The following SNRNP200 variants were observed in gnomAD, a reference collection of about 807,000 sequenced individuals.
SNRNP200 encodes the protein U5 small nuclear ribonucleoprotein 200 kDa helicase.
A neutral mutation model predicts 255.2 loss-of-function variants in SNRNP200; 66 were observed. The observed-to-expected ratio is 0.26, with a 90% CI of 0.21 to 0.32. SNRNP200 has a LOEUF of 0.32. Ranked by LOEUF, SNRNP200 falls within the 10% of genes least tolerant of loss-of-function variation. The probability of loss-of-function intolerance (pLI) is 1.00; values close to 1 mark genes in which losing one functional copy is unlikely to be tolerated. For synonymous variants in SNRNP200, 939 were observed against 1,027.8 expected, an observed-to-expected ratio of 0.91 and a Z score of 1.65; for missense variants, 1,585 against 2,749.8, an observed-to-expected ratio of 0.58 and a Z score of 9.47.
In SNRNP200 at chr2:96,289,048, G is replaced by C; in HGVS notation, c.3163C>G (p.Pro1055Ala). The change falls in exon 23 of 45, where the codon CCC becomes GCC. Residue 1055 changes from proline to alanine, a missense_variant. Physicochemically the swap from Pro to Ala is conservative, Grantham distance 27. This residue lies in a region of SNRNP200 where 719 missense variants were observed against 1,091.1 expected (regional missense o/e 0.66). Coordinates refer to ENST00000323853, the MANE Select transcript of SNRNP200 (RefSeq NM_014014.5). Reference sequence around the variant, plus strand: ...GGAGAGGAGCTCACCTTAGCACTGGGTTCCTCAATGCTCTCCTTTACAGGG... The same window carrying C: ...GGAGAGGAGCTCACCTTAGCACTGGCTTCCTCAATGCTCTCCTTTACAGGG... ...PIPVKESIEE[P>A]SAKINVLLQA... is the part of the protein sequence containing the mutation. The C allele has an allele frequency of 6.2e-7, 1 of 1,611,856 alleles. No individual in the cohort carries two copies. Among genetic ancestry groups the C allele is most frequent in the Non-Finnish European group, 8.5e-7 (1 of 1,178,964 alleles).
intron 34 of SNRNP200, chr2:96,282,133 A>C (rs942630355): frequency 5.4e-6 from 3 of 551,078 alleles, no homozygotes; most frequent in African/African-American, 1.9e-5. Flanking sequence ...ACTATCCAGG[A>C]GAAAACAAGT....
rs908447642 is a variant in SNRNP200, at chr2:96,299,254, G to T, written c.729+75C>A. 13 of 1,329,430 alleles carry T rather than the reference G, an allele frequency of 9.8e-6. No individual in the cohort carries two copies. In the African/African-American group the frequency reaches 1.9e-4, roughly 19 times the overall value. 82.4% of individuals were successfully genotyped at this position (1,329,430 alleles called of 1,614,324 possible). A position where few individuals can be genotyped will look rare whatever the true frequency, so the allele number is the denominator to read the frequency against. ...AAAAGTGGCTCAATAAATGTAACAG[G>T]ACCTAGGCATGGGGAAGAAGCACTA... On this transcript the variant is annotated intron_variant, in intron 6 of 44. Coordinates refer to ENST00000323853, the MANE Select transcript of SNRNP200 (RefSeq NM_014014.5).
At position 96,289,854 on chromosome 2, in the gene SNRNP200, A is replaced by T; in HGVS notation, c.2885T>A (p.Leu962Gln). ...GACCAGATTGTTCTTGTCCAGCATC[A>T]GGGCAGCTGTATGAACCAGATCTAG... The part of the protein sequence containing the change: ...RRLDLVHTAA[L>Q]MLDKNNLVKY... Residue 962 changes from leucine to glutamine, a missense_variant, in exon 21 of 45, where the codon CTG becomes CAG. Coordinates refer to ENST00000323853, the MANE Select transcript of SNRNP200 (RefSeq NM_014014.5). The T allele has an allele frequency of 6.2e-7, 1 of 1,614,194 alleles. No homozygotes were observed. The highest frequency in any genetic ancestry group is 1.1e-5 in the South Asian group (1 of 91,088).
rs753985231 is a variant in SNRNP200, at chr2:96,296,891, C to T, written c.1515+42G>A. The T allele has an allele frequency of 8.1e-6, 13 of 1,613,766 alleles. No individual in the cohort carries two copies. In the South Asian group the frequency reaches 8.8e-5, roughly 11 times the overall value. ...AAACAATCTTGCAACGGAAACTCCA[C>T]ACCATATTCTACAAGAAAACAGCAG... On this transcript the variant is annotated intron_variant, in intron 12 of 44. Coordinates refer to ENST00000323853, the MANE Select transcript of SNRNP200 (RefSeq NM_014014.5).
Position 96,278,646 on chromosome 2 carries a change from C to T in SNRNP200, c.5389G>A (p.Glu1797Lys), listed in dbSNP as rs1277517581. 6.2e-7 allele frequency: 1 copy of T among 1,614,218 alleles called. No individual in the cohort carries two copies. The highest frequency in any genetic ancestry group is 2.2e-5 in the East Asian group (1 of 44,880). Reference protein sequence around the residue: ...ELVEQTLSDLEQSKCISIEDE... With the variant: ...ELVEQTLSDLKQSKCISIEDE... Reference sequence around the variant, plus strand: ...TCGATGCTGATGCACTTGGACTGCTCCAGGTCACTCAGGGTCTGCTCCACC... The same window carrying T: ...TCGATGCTGATGCACTTGGACTGCTTCAGGTCACTCAGGGTCTGCTCCACC... The change falls in exon 38 of 45, where the codon GAG (glutamate) becomes AAG (lysine). Residue 1797 changes from glutamate (E) to lysine (K), a missense_variant. This residue lies in a region of SNRNP200 where 279 missense variants were observed against 551.2 expected (regional missense o/e 0.51). Transcript: ENST00000323853. The surrounding 1 kb of genome is among the most constrained non-coding windows in gnomAD (Gnocchi z 6.9).
At chr2:96,297,112 C>A in intron 11 of SNRNP200, 42 bp from the exon 12 acceptor site, 1 of 1,613,996 alleles carries the variant, frequency 6.2e-7, no homozygotes, top group Non-Finnish European at 8.5e-7. Flanking sequence ...TTGGCAGCAT[C>A]CTTGAGCAAA....
At chr2:96,284,701 G>T in intron 30 of SNRNP200, 116 bp from the exon 31 acceptor site, 1 of 758,620 alleles carries the variant, frequency 1.3e-6, no homozygotes, top group Non-Finnish European at 2.3e-6. Flanking sequence ...CTCAAGCTAC[G>T]TTCTAATCCC....
chr2:96,297,672 C>T lies in SNRNP200; in HGVS notation c.1168G>A (p.Asp390Asn), dbSNP rs780457370. 3.1e-6 allele frequency: 5 copies of T among 1,614,240 alleles called. No individual in the cohort carries two copies. Among genetic ancestry groups the T allele is most frequent in the Non-Finnish European group, 4.2e-6 (5 of 1,180,030 alleles). ...ERVRQSRMDT[D>N]LETMDLDQGG... is the part of the protein sequence containing the mutation. ...TGGTCGAGATCCATGGTTTCCAGAT[C>T]TGTGTCCATTCGAGACTGACGCACT... The change falls in exon 10 of 45, where the codon GAT becomes AAT. Residue 390 changes from aspartate (D) to asparagine (N), a missense_variant. Asp to Asn is a conservative substitution (Grantham distance 23, BLOSUM62 1). Transcript: ENST00000323853.
rs1195379661 is a variant in SNRNP200 at position 96,291,696 on chromosome 2, G to A, written c.2310+55C>T. On this transcript the variant is annotated intron_variant, in intron 17 of 44. Coordinates refer to ENST00000323853, the MANE Select transcript of SNRNP200 (RefSeq NM_014014.5). This position sits in a 1 kb window ranked among gnomAD's most constrained non-coding sequence, Gnocchi z 4.2. Reference sequence around the variant, plus strand: ...GTCCTAGAGGAGCTGTCTGGGGCCTGAGATGGACACAGCTGCCAGGTAGGA... The same window carrying A: ...GTCCTAGAGGAGCTGTCTGGGGCCTAAGATGGACACAGCTGCCAGGTAGGA... 1.9e-6 allele frequency: 3 copies of A among 1,601,952 alleles called. No individual in the cohort carries two copies. The highest frequency in any genetic ancestry group is 2.6e-6 in the Non-Finnish European group (3 of 1,170,496).
At chr2:96,288,636 A>G in intron 24 of SNRNP200, 27 bp downstream of exon 24, 2 of 1,598,362 alleles carry the variant, frequency 1.3e-6, no homozygotes, top group South Asian at 2.2e-5. Context: ...GCCCCTTCTC[A>G]CAGCTGCCAT....
chr2:96,287,579 C>CT lies in SNRNP200; in HGVS notation c.3366-23dup, dbSNP rs752744370. 1.1e-5 allele frequency: 17 copies of CT among 1,563,824 alleles called. No homozygotes were observed. The highest frequency in any genetic ancestry group is 1.4e-5 in the Non-Finnish European group (16 of 1,134,128). ...CCACCTATCCAGGAAGGAGGCAAAG[C>CT]TGTTGGTCCCTTCTGCAGGGATGTG... On this transcript the variant is annotated intron_variant, in intron 25 of 44. Transcript: ENST00000323853. The surrounding 1 kb of genome is among the most constrained non-coding windows in gnomAD (Gnocchi z 5.7).
intron 43 of SNRNP200, 121 bp from the exon 44 acceptor site, chr2:96,275,470 C>T (rs986226894): frequency 1.7e-5 from 14 of 840,848 alleles, no homozygotes; most frequent in Middle Eastern, 3.4e-4. Context: ...AGTTTCTTCC[C>T]GAAATACAAT....
chr2:96,293,219 G>C (rs562120616), intron 15 of SNRNP200, 97 bp downstream of exon 15: 1 of 1,572,546 alleles, frequency 6.4e-7, no homozygotes, highest in Non-Finnish European at 8.7e-7. Context: ...AAAACCCAAA[G>C]GCCCTTCTAA....
At chr2:96,281,779 G>T in intron 35 of SNRNP200, 35 bp downstream of exon 35, 1 of 1,435,180 alleles carries the variant, frequency 7.0e-7, no homozygotes, top group Non-Finnish European at 9.8e-7. Context: ...TTAGGAAGGA[G>T]GTCTGTGCTA....
At position 96,279,018 on chromosome 2, in the gene SNRNP200, A is replaced by G; in HGVS notation, c.5134-20T>C. On this transcript the variant is annotated intron_variant, in intron 36 of 44. Transcript: ENST00000323853. ...GAAATCCTGTGGGTTGGAGAGGGAG[A>G]AGGAGTAATAAAGAATTAGTGACAA... is the stretch of plus-strand genomic sequence containing the variant. The G allele has an allele frequency of 6.3e-7, 1 of 1,597,698 alleles. No homozygotes were observed. Among genetic ancestry groups the G allele is most frequent in the East Asian group, 2.2e-5 (1 of 44,778 alleles).
At chr2:96,296,893 C>T (rs201537173) in intron 12 of SNRNP200, 40 bp downstream of exon 12, 2 of 1,613,906 alleles carry the variant, frequency 1.2e-6, no homozygotes, top group South Asian at 1.1e-5. Context: ...AAACTCCACA[C>T]CATATTCTAC....
At chr2:96,292,595 G>A (rs1208947699) in intron 16 of SNRNP200, among the ~76,000 whole-genome samples, 2 of 152,136 alleles carry the variant, frequency 1.3e-5, no homozygotes, top group Admixed American at 6.5e-5. Context: ...TGGATAATGC[G>A]AATGCACAAA....
Position 96,297,708 on chromosome 2 carries a change from G to T in SNRNP200, c.1132C>A (p.Arg378=), listed in dbSNP as rs549020522. 1 of 1,614,170 alleles carries T rather than the reference G, an allele frequency of 6.2e-7. No individual in the cohort carries two copies. Among genetic ancestry groups the T allele is most frequent in the East Asian group, 2.2e-5 (1 of 44,892 alleles). ...KEDLIREERS[R]RERVRQSRMD... The stretch of plus-strand genomic sequence containing the variant: ...CGAGACTGACGCACTCGCTCTCTCC[G>T]GGACCTTTCCTCCTGTAGTGGACAA... Residue 378 remains arginine (R), a synonymous_variant, in exon 10 of 45, where the codon CGG becomes AGG. Transcript: ENST00000323853.
chr2:96,299,551 A>G, intron 5 of SNRNP200, 124 bp from the exon 6 acceptor site: 2 of 806,222 alleles, frequency 2.5e-6, no homozygotes, highest in South Asian at 2.8e-5. Context: ...TGAAACCGAG[A>G]GCCTATTGGA....
Sources: allele counts gnomAD v4.1 joint callset (sites outside exome capture counted in the v4.1 genomes callset), GRCh38; gene constraint gnomAD v4.1.1; regional missense constraint gnomAD v4.1.1; non-coding constraint Gnocchi (gnomAD v3.1); transcripts MANE v1.5; gene names NCBI Gene and HGNC (gene_info 2026-07-23, HGNC 2026-07-21).